The following CAMK1D variants were observed in gnomAD, a reference collection of about 807,000 sequenced individuals.
The protein encoded by CAMK1D is calcium/calmodulin-dependent protein kinase type 1D.
A neutral mutation model predicts 47.7 loss-of-function variants in CAMK1D; 9 were observed. That is an observed-to-expected ratio of 0.19 (90% CI 0.11 to 0.33). The LOEUF (loss-of-function observed/expected upper bound fraction) is 0.33, where lower values mean the gene tolerates loss of function less well. CAMK1D is among the 10% of genes least tolerant of loss of function. The pLI, the probability that CAMK1D is intolerant of heterozygous loss-of-function variation, is 1.00. For synonymous variants in CAMK1D, 184 were observed against 184.9 expected, an observed-to-expected ratio of 0.99 and a Z score of 0.04; for missense variants, 291 against 488.7, an observed-to-expected ratio of 0.60 and a Z score of 3.81.
rs530010392 is a variant in CAMK1D, at chr10:12,447,076, T to C, written c.92+97166T>C. Among the ~76,000 whole-genome samples, 7 of 152,338 alleles carry C rather than the reference T, an allele frequency of 4.6e-5. No individual in the cohort carries two copies. The South Asian group carries it at 1.5e-3, about 32-fold the overall frequency. ...ATGTTCGAAACTCAGTGTTTGGGTC[T>C]AAGTTTTTTCCACTGTGTCTCTCTC... On this transcript the variant is annotated intron_variant, in intron 1 of 10. Transcript: ENST00000619168.
intron 3 of CAMK1D, among the ~76,000 whole-genome samples, chr10:12,695,069 T>TAGGTAGATACAC (rs1833225724): frequency 7.2e-6 from 1 of 138,674 alleles, no homozygotes; most frequent in African/African-American, 2.5e-5. Context: ...GATAGATACA[T>TAGGTAGATACAC]AGGTAGATAC....
chr10:12,769,833 G>A (rs1384520631), intron 5 of CAMK1D, 34 bp downstream of exon 5: 3 of 1,611,964 alleles, frequency 1.9e-6, no homozygotes, highest in South Asian at 1.1e-5. Context: ...ATGTGCCCGT[G>A]TGTGTGTGAT....
chr10:12,699,124 C>T (rs931014982), intron 3 of CAMK1D, among the ~76,000 whole-genome samples: 2 of 152,136 alleles, frequency 1.3e-5, no homozygotes, highest in African/African-American at 2.4e-5. Context: ...GTTATGGTGG[C>T]GAAGGACTCT....
At chr10:12,664,764 C>T (rs559205225) in intron 2 of CAMK1D, among the ~76,000 whole-genome samples, 9 of 152,306 alleles carry the variant, frequency 5.9e-5, no homozygotes, top group South Asian at 2.1e-4. Context: ...AAGTATTCAC[C>T]GTTTTGCTAC....
intron 3 of CAMK1D, among the ~76,000 whole-genome samples, chr10:12,690,937 C>A (rs1427569019): frequency 2.0e-5 from 3 of 152,130 alleles, no homozygotes; most frequent in Non-Finnish European, 4.4e-5. Context: ...GTTATGGCCA[C>A]TAGGTGTTGT....
At chr10:12,470,288 C>T (rs1003526851) in intron 1 of CAMK1D, among the ~76,000 whole-genome samples, 1 of 152,120 alleles carries the variant, frequency 6.6e-6, no homozygotes, top group Non-Finnish European at 1.5e-5. Context: ...AAAGACTTGA[C>T]CAGGAGTATA....
intron 1 of CAMK1D, among the ~76,000 whole-genome samples, chr10:12,362,355 C>G (rs1837690426): frequency 6.6e-6 from 1 of 152,152 alleles, no homozygotes; most frequent in Admixed American, 6.6e-5. Flanking sequence ...TACAGTCATC[C>G]CTTGGTATCT....
intron 1 of CAMK1D, among the ~76,000 whole-genome samples, chr10:12,540,087 CTTTTTTCTTTTCTTTT>C (rs1008769013): frequency 1.3e-3 from 200 of 150,256 alleles, no homozygotes; most frequent in African/African-American, 4.7e-3. Flanking sequence ...CTAATTTTTT[CTTTTTTCTTTTCTTTT>C]TTTTTTGGAG....
At chr10:12,389,458 A>G (rs999472539) in intron 1 of CAMK1D, among the ~76,000 whole-genome samples, 40 of 152,240 alleles carry the variant, frequency 2.6e-4, no homozygotes, top group African/African-American at 9.1e-4. Flanking sequence ...TCTGCCCAGC[A>G]CCACAGGGTC....
At chr10:12,490,010 C>T (rs1242133533) in intron 1 of CAMK1D, among the ~76,000 whole-genome samples, 3 of 152,178 alleles carry the variant, frequency 2.0e-5, no homozygotes, top group Non-Finnish European at 4.4e-5. Context: ...GGCACACTCA[C>T]GGGTCTGGGC....
chr10:12,738,810 C>T (rs1644147861), intron 3 of CAMK1D, among the ~76,000 whole-genome samples: 2 of 151,860 alleles, frequency 1.3e-5, no homozygotes, highest in Non-Finnish European at 2.9e-5. Flanking sequence ...CCAGCCTGGG[C>T]AACAGAGCAA....
chr10:12,608,921 AG>A (rs1481989996), intron 2 of CAMK1D, among the ~76,000 whole-genome samples: 12 of 152,356 alleles, frequency 7.9e-5, no homozygotes, highest in Non-Finnish European at 1.6e-4. Flanking sequence ...GGAGTGGTGC[AG>A]GAGTAAATAG....
intron 1 of CAMK1D, among the ~76,000 whole-genome samples, chr10:12,526,012 C>T (rs144574195): frequency 8.3e-4 from 126 of 152,328 alleles, no homozygotes; most frequent in African/African-American, 2.9e-3. Context: ...CCTGCTGTGG[C>T]CTCCCAAAGT....
At chr10:12,578,423 A>C (rs1317126471) in intron 2 of CAMK1D, among the ~76,000 whole-genome samples, 1 of 151,776 alleles carries the variant, frequency 6.6e-6, no homozygotes, top group Non-Finnish European at 1.5e-5. Context: ...ATACAAAATT[A>C]GTTGGGCGTG....
At chr10:12,654,033 C>T (rs185308470) in intron 2 of CAMK1D, among the ~76,000 whole-genome samples, 4 of 152,296 alleles carry the variant, frequency 2.6e-5, no homozygotes, top group East Asian at 3.9e-4. Context: ...AGAAACAATA[C>T]CTTTCCCCTA....
At chr10:12,778,906 G>A (rs1837378680) in intron 5 of CAMK1D, among the ~76,000 whole-genome samples, 1 of 152,130 alleles carries the variant, frequency 6.6e-6, no homozygotes, top group African/African-American at 2.4e-5. Context: ...GTTCATCAAG[G>A]GTTGGAATGA....
intron 1 of CAMK1D, among the ~76,000 whole-genome samples, chr10:12,477,912 A>C (rs1221083602): frequency 1.3e-5 from 2 of 151,790 alleles, no homozygotes; most frequent in African/African-American, 2.4e-5. Context: ...TGTAGATGGG[A>C]TTCTTTCAGC....
At chr10:12,658,147 C>CA (rs1292220434) in intron 2 of CAMK1D, among the ~76,000 whole-genome samples, 30 of 151,526 alleles carry the variant, frequency 2.0e-4, no homozygotes, top group Non-Finnish European at 3.4e-4. Context: ...GACTCTGTCT[C>CA]AAAAAAAACA....
chr10:12,394,954 GC>G (rs1270931826), intron 1 of CAMK1D, among the ~76,000 whole-genome samples: 1 of 152,108 alleles, frequency 6.6e-6, no homozygotes, highest in African/African-American at 2.4e-5. Flanking sequence ...CATGGTGCTG[GC>G]CCAGGTGAGC....
Sources: gnomAD v4.1 joint callset for allele counts (sites outside exome capture counted in the v4.1 genomes callset) on GRCh38, gnomAD v4.1.1 for gene constraint, MANE v1.5 for transcripts, NCBI Gene and HGNC (gene_info 2026-07-23, HGNC 2026-07-21) for gene names.